Variants in PINX1 observed in about 807,000 individuals in gnomAD.
PINX1 encodes the protein PIN2 (TERF1) interacting telomerase inhibitor 1.
PINX1 carries 34 observed loss-of-function variants against 25.4 expected under a neutral mutation model. The observed-to-expected ratio is 1.34, with a 90% CI of 1.02 to 1.78. The LOEUF (loss-of-function observed/expected upper bound fraction) is 1.78, where lower values mean the gene tolerates loss of function less well. Among genes scored for constraint, PINX1 ranks in the 40% most tolerant of loss-of-function variants. PINX1 has a pLI of 0.00. For missense variants in PINX1, 592 were observed against 404.9 expected (o/e 1.46, Z -3.97); for synonymous variants, 197 against 147.7 (o/e 1.33, Z -2.42).
At chr8:10,766,056 G>C in intron 6 of PINX1, 140 bp from the exon 7 acceptor site, 2 of 776,214 alleles carry the variant, frequency 2.6e-6, no homozygotes, top group Non-Finnish European at 2.1e-6. Context: ...CCGGCACTTA[G>C]GAGACAAGGC....
intron 1 of PINX1, among the ~76,000 whole-genome samples, chr8:10,835,703 C>G (rs113622207): frequency 0.035 from 5,250 of 152,078 alleles, 113 homozygotes; most frequent in Middle Eastern, 0.1. Context: ...GTAAAAAAAT[C>G]ACTGTGCCCA....
At chr8:10,823,205 T>C (rs1485223920) in intron 5 of PINX1, among the ~76,000 whole-genome samples, 1 of 152,260 alleles carries the variant, frequency 6.6e-6, no homozygotes, top group African/African-American at 2.4e-5. Flanking sequence ...ATACCAATTC[T>C]GTATTTCCCG....
intron 6 of PINX1, among the ~76,000 whole-genome samples, chr8:10,779,148 C>A (rs1269095576): frequency 6.6e-6 from 1 of 152,194 alleles, no homozygotes; most frequent in Non-Finnish European, 1.5e-5. Flanking sequence ...AGACTGCCTA[C>A]AATCTAGCCG....
intron 1 of PINX1, among the ~76,000 whole-genome samples, chr8:10,838,710 T>G (rs1798480012): frequency 6.6e-6 from 1 of 152,240 alleles, no homozygotes; most frequent in Non-Finnish European, 1.5e-5. Context: ...GGGTTCAGTC[T>G]AAAACATACT....
At chr8:10,783,741 T>C (rs950482682) in intron 6 of PINX1, among the ~76,000 whole-genome samples, 1 of 152,126 alleles carries the variant, frequency 6.6e-6, no homozygotes, top group Non-Finnish European at 1.5e-5. Context: ...GGAAAAGGAA[T>C]TGGAGGGGAG....
chr8:10,767,086 T>C (rs1801075336), intron 6 of PINX1, among the ~76,000 whole-genome samples: 1 of 145,148 alleles, frequency 6.9e-6, no homozygotes, highest in Admixed American at 7.1e-5. Context: ...CTCATTTATC[T>C]CACAAGAAGA....
chr8:10,820,135 A>C (rs1797821548), intron 6 of PINX1, 58 bp downstream of exon 6: 4 of 1,093,720 alleles, frequency 3.7e-6, no homozygotes, highest in South Asian at 2.6e-5. Flanking sequence ...AGTCCTATAC[A>C]CAGGTGAAAA....
chr8:10,782,620 C>T (rs1801622398), intron 6 of PINX1, among the ~76,000 whole-genome samples: 1 of 152,052 alleles, frequency 6.6e-6, no homozygotes, highest in Admixed American at 6.5e-5. Flanking sequence ...CCTGTAATCC[C>T]AGCCACTCAG....
chr8:10,837,682 AC>A (rs1364287864), intron 1 of PINX1, among the ~76,000 whole-genome samples: 1 of 152,204 alleles, frequency 6.6e-6, no homozygotes, highest in Non-Finnish European at 1.5e-5. Context: ...CTGTCGGGAT[AC>A]TTTTGGGGCA....
At chr8:10,787,976 T>TAAGCCAA (rs1801804569) in intron 6 of PINX1, among the ~76,000 whole-genome samples, 1 of 152,218 alleles carries the variant, frequency 6.6e-6, no homozygotes, top group Non-Finnish European at 1.5e-5. Context: ...ACTTGAACAT[T>TAAGCCAA]GACTGGATTT....
chr8:10,821,175 G>C (rs537499186), intron 5 of PINX1, among the ~76,000 whole-genome samples: 47 of 152,360 alleles, frequency 3.1e-4, no homozygotes, highest in African/African-American at 1.1e-3. Flanking sequence ...TCTCACGCTG[G>C]AAGCCGAGTT....
intron 6 of PINX1, among the ~76,000 whole-genome samples, chr8:10,817,652 C>A (rs17776497): frequency 0.16 from 24,511 of 152,270 alleles, 2,470 homozygotes; most frequent in Non-Finnish European, 0.23. Context: ...GCGACCTCCT[C>A]AGTGTGGCAC....
intron 5 of PINX1, among the ~76,000 whole-genome samples, chr8:10,821,040 G>A (rs1029544727): frequency 3.9e-5 from 6 of 152,212 alleles, no homozygotes; most frequent in Non-Finnish European, 8.8e-5. Flanking sequence ...TCCTCTGTGA[G>A]CAGTAGGCCA....
chr8:10,768,763 C>G (rs994405524), intron 6 of PINX1, among the ~76,000 whole-genome samples: 2 of 152,182 alleles, frequency 1.3e-5, no homozygotes, highest in African/African-American at 4.8e-5. Flanking sequence ...TTTTATACAC[C>G]AAAGTCGGAG....
At chr8:10,772,040 A>G (rs1801242144) in intron 6 of PINX1, among the ~76,000 whole-genome samples, 1 of 152,242 alleles carries the variant, frequency 6.6e-6, no homozygotes, top group Non-Finnish European at 1.5e-5. Context: ...AAAGCAAGGT[A>G]CTGTGTGGTA....
intron 6 of PINX1, among the ~76,000 whole-genome samples, chr8:10,794,376 T>G (rs1481016810): frequency 6.6e-6 from 1 of 152,132 alleles, no homozygotes; most frequent in Non-Finnish European, 1.5e-5. Context: ...CATCATATAT[T>G]GACTTAAAAT....
chr8:10,815,021 C>G (rs1713913867), intron 6 of PINX1, among the ~76,000 whole-genome samples: 1 of 152,082 alleles, frequency 6.6e-6, no homozygotes, highest in South Asian at 2.1e-4. Flanking sequence ...CTCACTGCAG[C>G]CTCAATCCCC....
At chr8:10,834,104 C>A (rs554433383) in intron 2 of PINX1, among the ~76,000 whole-genome samples, 2 of 152,130 alleles carry the variant, frequency 1.3e-5, no homozygotes, top group South Asian at 4.2e-4. Flanking sequence ...AAAAAAGGGG[C>A]CTGAGGTTGA....
At chr8:10,804,022 C>T (rs1042948653) in intron 6 of PINX1, among the ~76,000 whole-genome samples, 2 of 152,108 alleles carry the variant, frequency 1.3e-5, no homozygotes, top group African/African-American at 4.8e-5. Flanking sequence ...ATATAGTTAC[C>T]TAGTTACCTA....
Sources: allele counts gnomAD v4.1 joint callset (sites outside exome capture counted in the v4.1 genomes callset), GRCh38; gene constraint gnomAD v4.1.1; transcripts MANE v1.5; gene names NCBI Gene and HGNC (gene_info 2026-07-23, HGNC 2026-07-21).